DYNC1I1: variants seen among roughly 807,000 people sequenced by gnomAD.
DYNC1I1 encodes the protein cytoplasmic dynein 1 intermediate chain 1.
In DYNC1I1, 43 loss-of-function variants were observed where a neutral mutation model predicts 86.6. That is an observed-to-expected ratio of 0.50 (90% CI 0.39 to 0.64). DYNC1I1 has a LOEUF of 0.64. Among genes scored for constraint, DYNC1I1 ranks in the 30% least tolerant of loss-of-function variants. DYNC1I1 has a pLI of 0.00. For synonymous variants in DYNC1I1, 262 were observed against 283.7 expected (o/e 0.92, Z 0.77); for missense variants, 604 against 788.8 (o/e 0.77, Z 2.81).
intron 14 of DYNC1I1, among the ~76,000 whole-genome samples, chr7:96,061,226 T>C (rs1584288691): frequency 6.6e-6 from 1 of 152,180 alleles, no homozygotes; most frequent in Non-Finnish European, 1.5e-5. Context: ...GAACGCCTGG[T>C]CCTGCCATTT....
chr7:95,794,278 T>G (rs1461430287), intron 1 of DYNC1I1, among the ~76,000 whole-genome samples: 3 of 152,174 alleles, frequency 2.0e-5, no homozygotes, highest in African/African-American at 7.2e-5. Flanking sequence ...TCTCTAGTTG[T>G]CCAAACTGTT....
intron 7 of DYNC1I1, among the ~76,000 whole-genome samples, chr7:95,979,681 G>A (rs533672309): frequency 1.2e-4 from 19 of 152,182 alleles, no homozygotes; most frequent in Admixed American, 5.9e-4. Context: ...TCTTATTTCT[G>A]TTACTGTGCT....
At chr7:95,970,974 G>A (rs1259875298) in intron 6 of DYNC1I1, among the ~76,000 whole-genome samples, 9 of 152,116 alleles carry the variant, frequency 5.9e-5, no homozygotes, top group Admixed American at 5.9e-4. Flanking sequence ...GGAATTGACA[G>A]GACTGAGACC....
At chr7:95,891,948 TG>T (rs1790750864) in intron 6 of DYNC1I1, among the ~76,000 whole-genome samples, 1 of 133,464 alleles carries the variant, frequency 7.5e-6, no homozygotes, top group Non-Finnish European at 1.6e-5. Flanking sequence ...TTGTAAGTTC[TG>T]GTAAATTTTG....
intron 5 of DYNC1I1, among the ~76,000 whole-genome samples, chr7:95,836,486 T>G (rs373868341): frequency 2.6e-5 from 4 of 151,602 alleles, no homozygotes; most frequent in African/African-American, 7.3e-5. Flanking sequence ...GTGGCGTTCT[T>G]TGTATTTCCT....
chr7:95,792,388 C>T (rs1037437896), intron 1 of DYNC1I1, among the ~76,000 whole-genome samples: 21 of 152,140 alleles, frequency 1.4e-4, no homozygotes, highest in South Asian at 4.1e-4. Context: ...CCGTCCCCTC[C>T]CCTTCTCTGA....
chr7:96,012,814 C>T (rs1194250215), intron 10 of DYNC1I1, among the ~76,000 whole-genome samples: 1 of 152,132 alleles, frequency 6.6e-6, no homozygotes, highest in Non-Finnish European at 1.5e-5. Flanking sequence ...ATTCTTATAC[C>T]AGGAACCTGT....
chr7:95,937,957 C>A (rs1792093080), intron 6 of DYNC1I1, among the ~76,000 whole-genome samples: 1 of 152,118 alleles, frequency 6.6e-6, no homozygotes, highest in Admixed American at 6.6e-5. Context: ...TATATACACT[C>A]ACACACATAA....
At chr7:95,987,244 G>T (rs1426872865) in intron 9 of DYNC1I1, 89 bp downstream of exon 9, 12 of 1,172,040 alleles carry the variant, frequency 1.0e-5, no homozygotes, top group Middle Eastern at 2.0e-4. Context: ...ACTTGCCTAC[G>T]ATTTCCTCTC....
intron 6 of DYNC1I1, among the ~76,000 whole-genome samples, chr7:95,903,808 A>G (rs1210906496): frequency 1.3e-5 from 2 of 152,154 alleles, no homozygotes; most frequent in African/African-American, 4.8e-5. Context: ...TACAACCAAT[A>G]ATTAGTAGAA....
intron 6 of DYNC1I1, among the ~76,000 whole-genome samples, chr7:95,900,012 C>T (rs1790995276): frequency 1.3e-5 from 2 of 152,146 alleles, no homozygotes; most frequent in African/African-American, 2.4e-5. Flanking sequence ...AAGGAGGTAT[C>T]TGTTCCATGG....
intron 6 of DYNC1I1, among the ~76,000 whole-genome samples, chr7:95,880,852 G>A (rs1188272502): frequency 6.6e-6 from 1 of 151,658 alleles, no homozygotes; most frequent in Non-Finnish European, 1.5e-5. Context: ...CACCATATTG[G>A]CCAGGCTGGT....
At chr7:95,820,420 G>A (rs970733545) in intron 4 of DYNC1I1, among the ~76,000 whole-genome samples, 1 of 152,106 alleles carries the variant, frequency 6.6e-6, no homozygotes, top group African/African-American at 2.4e-5. Context: ...GATATTTAGC[G>A]ATGGCATTGA....
chr7:96,003,018 A>G lies in DYNC1I1; in HGVS notation c.969+6945A>G, dbSNP rs945245985. ...ACCACCACGCCCAGCAAAGTTTTGT[A>G]TTTTTTGGTAGAGACAGGATTTCAC... On this transcript the variant is annotated intron_variant, in intron 10 of 16. Coordinates refer to ENST00000447467, the MANE Select transcript of DYNC1I1 (RefSeq NM_001135556.2). 2.6e-5 allele frequency among the ~76,000 whole-genome samples: 4 copies of G among 151,852 alleles called. 1 individual carries two copies. The highest frequency in any genetic ancestry group is 2.4e-5 in the African/African-American group (1 of 41,344).
chr7:95,970,962 G>A (rs866750092), intron 6 of DYNC1I1, among the ~76,000 whole-genome samples: 1 of 152,170 alleles, frequency 6.6e-6, no homozygotes, highest in African/African-American at 2.4e-5. Context: ...GATGCTGGAG[G>A]TGGAATTGAC....
chr7:95,833,795 G>T (rs1788992917), intron 5 of DYNC1I1, among the ~76,000 whole-genome samples: 1 of 140,370 alleles, frequency 7.1e-6, no homozygotes. Flanking sequence ...GTATAAGAAT[G>T]CTTGTGATTT....
At chr7:95,860,472 G>A (rs909680473) in intron 5 of DYNC1I1, among the ~76,000 whole-genome samples, 9 of 152,152 alleles carry the variant, frequency 5.9e-5, no homozygotes, top group Non-Finnish European at 1.0e-4. Context: ...ATGAAATATC[G>A]TGATGTGAAT....
rs1790678467 is a variant in DYNC1I1 at position 96,086,296 on chromosome 7, A to G, written c.1776+5808A>G. On this transcript the variant is annotated intron_variant, in intron 16 of 16. Transcript: ENST00000447467. ...AGAAGCAGTTTATCTTCCACCTCCTATTATTTCTTTTTCCATTAACCTCTT... is the reference window on the plus strand; with the variant it reads ...AGAAGCAGTTTATCTTCCACCTCCTGTTATTTCTTTTTCCATTAACCTCTT... Among the ~76,000 whole-genome samples the G allele has an allele frequency of 2.0e-5, 3 of 152,142 alleles. No homozygotes were observed. The South Asian group carries it at 6.2e-4, about 32-fold the overall frequency.
At position 95,792,840 on chromosome 7, in the gene DYNC1I1, G is replaced by A. The variant is rs1284348087; in HGVS notation, c.-9-11881G>A. On this transcript the variant is annotated intron_variant, in intron 1 of 16. Transcript: ENST00000447467. The stretch of plus-strand genomic sequence containing the variant: ...CAGAAAGATGAATAGGGGGCATCAG[G>A]TTAAACATGGTGAGAATAACATTTC... Among the ~76,000 whole-genome samples, 3 of 150,678 alleles carry A rather than the reference G, an allele frequency of 2.0e-5. No individual in the cohort carries two copies. In the East Asian group the frequency reaches 6.1e-4, roughly 31 times the overall value.
Sources: allele counts gnomAD v4.1 joint callset (sites outside exome capture counted in the v4.1 genomes callset), GRCh38; gene constraint gnomAD v4.1.1; transcripts MANE v1.5; gene names NCBI Gene and HGNC (gene_info 2026-07-23, HGNC 2026-07-21).